The following PGM1 variants were observed in gnomAD, a reference collection of about 807,000 sequenced individuals.
PGM1 encodes the protein phosphoglucomutase-1.
Under a neutral mutation model 55.6 loss-of-function variants are expected in PGM1, and 52 were observed. The observed-to-expected ratio is 0.94, with a 90% CI of 0.75 to 1.18. The LOEUF is 1.18. Among genes scored for constraint, PGM1 ranks in the 50% most tolerant of loss-of-function variants. The pLI, the probability that PGM1 is intolerant of heterozygous loss-of-function variation, is 0.00. For missense variants in PGM1, 724 were observed against 729.3 expected, an observed-to-expected ratio of 0.99 and a Z score of 0.08; for synonymous variants, 287 against 271.7, an observed-to-expected ratio of 1.06 and a Z score of -0.55.
rs868866342 is a variant in PGM1 at position 63,629,977 on chromosome 1, C to G, written c.445C>G (p.Gln149Glu). The G allele has an allele frequency of 2.5e-6, 4 of 1,613,868 alleles. No homozygotes were observed. In the African/African-American group the frequency reaches 5.3e-5, roughly 22 times the overall value. Reference protein sequence around the residue: ...APEAITDKIFQISKTIEEYAV... With the variant: ...APEAITDKIFEISKTIEEYAV... ...AGAAGCAATAACTGATAAAATTTTC[C>G]AAATCAGCAAGACAATTGAAGAATA... is the stretch of plus-strand genomic sequence containing the variant. Residue 149 changes from glutamine to glutamate, a missense_variant, in exon 3 of 11, where the codon CAA becomes GAA. Gln to Glu is a conservative substitution (Grantham distance 29). Around this residue, in one of 3 missense-constraint regions of PGM1, gnomAD observed 379 missense variants for 357.5 expected, o/e 1.06. Transcript: ENST00000371084.
chr1:63,597,698 C>G (rs1477084822), intron 1 of PGM1, among the ~76,000 whole-genome samples: 1 of 152,212 alleles, frequency 6.6e-6, no homozygotes, highest in Non-Finnish European at 1.5e-5. Flanking sequence ...TTAGTTGAAA[C>G]TATTCCTGGT....
At chr1:63,632,347 T>C (rs375711055) in intron 4 of PGM1, among the ~76,000 whole-genome samples, 16 of 152,310 alleles carry the variant, frequency 1.1e-4, no homozygotes, top group African/African-American at 1.7e-4. Context: ...CTCAGACATG[T>C]AGGTATATGA....
At chr1:63,644,533 C>T (rs1649601394) in intron 7 of PGM1, among the ~76,000 whole-genome samples, 1 of 152,146 alleles carries the variant, frequency 6.6e-6, no homozygotes, top group African/African-American at 2.4e-5. Flanking sequence ...TATGTACAAT[C>T]AAGGAGCATT....
intron 1 of PGM1, among the ~76,000 whole-genome samples, chr1:63,607,663 G>T (rs1194556426): frequency 6.6e-6 from 1 of 152,134 alleles, no homozygotes; most frequent in Non-Finnish European, 1.5e-5. Context: ...TAAGCAATCA[G>T]ATTTCTTTTT....
At chr1:63,612,194 T>A (rs1648586107) in intron 1 of PGM1, among the ~76,000 whole-genome samples, 1 of 151,654 alleles carries the variant, frequency 6.6e-6, no homozygotes, top group South Asian at 2.1e-4. Flanking sequence ...GAGGCAGAGG[T>A]TGCAGTGAGC....
chr1:63,623,136 A>G (rs1158892659), intron 1 of PGM1: 2 of 943,334 alleles, frequency 2.1e-6, no homozygotes, highest in African/African-American at 3.4e-5. Flanking sequence ...CCTTGGAGCT[A>G]TCTCTACCCT....
chr1:63,611,958 A>T (rs1648578335), intron 1 of PGM1, among the ~76,000 whole-genome samples: 1 of 151,984 alleles, frequency 6.6e-6, no homozygotes, highest in Admixed American at 6.5e-5. Context: ...GTAACATATT[A>T]AGGCTATCAG....
At chr1:63,619,993 T>C (rs1242322353) in intron 1 of PGM1, among the ~76,000 whole-genome samples, 1 of 152,198 alleles carries the variant, frequency 6.6e-6, no homozygotes, top group East Asian at 1.9e-4. Context: ...AAATTGAGGC[T>C]CAGAAGGACA....
intron 3 of PGM1, 106 bp from the exon 4 acceptor site, chr1:63,631,551 C>A (rs1649193748): frequency 9.5e-7 from 1 of 1,050,544 alleles, no homozygotes; most frequent in Admixed American, 1.7e-5. Flanking sequence ...AATAATTGTC[C>A]TTTTAAAATA....
At chr1:63,645,302 A>G (rs1025907378) in intron 7 of PGM1, among the ~76,000 whole-genome samples, 1 of 152,226 alleles carries the variant, frequency 6.6e-6, no homozygotes, top group African/African-American at 2.4e-5. Context: ...AAAAGAAAAA[A>G]TCAAATTCCT....
At chr1:63,627,618 T>G (rs940331878) in intron 1 of PGM1, among the ~76,000 whole-genome samples, 1 of 152,074 alleles carries the variant, frequency 6.6e-6, no homozygotes, top group African/African-American at 2.4e-5. Flanking sequence ...TCCTTCTTAC[T>G]CTTACCCCTG....
intron 1 of PGM1, among the ~76,000 whole-genome samples, chr1:63,603,135 C>T (rs1413017757): frequency 7.9e-5 from 12 of 152,204 alleles, no homozygotes; most frequent in Non-Finnish European, 1.5e-5. Flanking sequence ...AGCAACTGCA[C>T]TAAAAATGTA....
chr1:63,635,070 T>C, intron 5 of PGM1, 51 bp downstream of exon 5: 1 of 1,505,710 alleles, frequency 6.6e-7, no homozygotes, highest in African/African-American at 1.4e-5. Context: ...GGCCTGATCC[T>C]GCAGATGGGG....
At chr1:63,604,093 C>T (rs1050136622) in intron 1 of PGM1, among the ~76,000 whole-genome samples, 5 of 151,886 alleles carry the variant, frequency 3.3e-5, no homozygotes, top group African/African-American at 4.9e-5. Context: ...CTCAGATTTC[C>T]CTGTCAAGGC....
chr1:63,593,800 C>G, intron 1 of PGM1, 66 bp downstream of exon 1: 1 of 1,468,208 alleles, frequency 6.8e-7, no homozygotes, highest in South Asian at 1.3e-5. Context: ...GCCCGCGGCG[C>G]CCTCCCTCGC....
intron 7 of PGM1, 21 bp downstream of exon 7, chr1:63,638,821 A>G (rs778855484): frequency 1.3e-6 from 2 of 1,508,228 alleles, no homozygotes; most frequent in African/African-American, 1.4e-5. Flanking sequence ...CTCCTGTGCT[A>G]GCATTTTCCT....
chr1:63,600,346 C>G (rs1164197486), intron 1 of PGM1: 1 of 152,148 alleles, frequency 6.6e-6, no homozygotes, highest in African/African-American at 2.4e-5. Context: ...AAAACGTTCT[C>G]CCTTTCTGAG....
intron 8 of PGM1, among the ~76,000 whole-genome samples, chr1:63,649,627 G>A (rs1317196242): frequency 1.3e-5 from 2 of 152,318 alleles, no homozygotes; most frequent in South Asian, 2.1e-4. Context: ...GTGATCTCTG[G>A]ATAGTCAAGA....
At chr1:63,657,299 C>T (rs1246561128) in intron 10 of PGM1, among the ~76,000 whole-genome samples, 1 of 152,058 alleles carries the variant, frequency 6.6e-6, no homozygotes, top group African/African-American at 2.4e-5. Context: ...AACTGTGTGT[C>T]CCTGGGTAAG....
Sources: gnomAD v4.1 joint callset for allele counts (sites outside exome capture counted in the v4.1 genomes callset) on GRCh38, gnomAD v4.1.1 for gene constraint, gnomAD v4.1.1 regional missense constraint, MANE v1.5 for transcripts, NCBI Gene and HGNC (gene_info 2026-07-23, HGNC 2026-07-21) for gene names.